CASQ2: variants seen among roughly 807,000 people sequenced by gnomAD.
The protein encoded by CASQ2 is calsequestrin-2.
A neutral mutation model predicts 46.5 loss-of-function variants in CASQ2; 49 were observed. That is an observed-to-expected ratio of 1.05 (90% confidence interval 0.84 to 1.34). The LOEUF (loss-of-function observed/expected upper bound fraction) is 1.34. CASQ2 is among the 40% of genes most tolerant of loss of function. CASQ2 has a pLI of 0.00. For missense variants in CASQ2, 486 were observed against 481.3 expected, an observed-to-expected ratio of 1.01 and a Z score of -0.09; for synonymous variants, 174 against 168.5, an observed-to-expected ratio of 1.03 and a Z score of -0.25.
intron 8 of CASQ2, among the ~76,000 whole-genome samples, chr1:115,710,397 G>A (rs1026966343): frequency 1.9e-4 from 29 of 152,180 alleles, no homozygotes; most frequent in African/African-American, 6.8e-4. Context: ...GTTGAACTCA[G>A]GTCTTAAGTC....
intron 3 of CASQ2, 51 bp downstream of exon 3, chr1:115,740,677 A>G (rs1648144506): frequency 6.2e-6 from 7 of 1,137,550 alleles, no homozygotes; most frequent in East Asian, 2.4e-5. Context: ...ATCTCTCCCT[A>G]TATTTGAGGA....
At chr1:115,734,681 T>C (rs189772618) in intron 4 of CASQ2, among the ~76,000 whole-genome samples, 19 of 152,320 alleles carry the variant, frequency 1.2e-4, no homozygotes, top group African/African-American at 4.6e-4. Flanking sequence ...GCTTCTGGAA[T>C]AGGCTCCTGA....
intron 1 of CASQ2, among the ~76,000 whole-genome samples, chr1:115,757,816 A>T (rs777383195): frequency 5.3e-5 from 8 of 152,336 alleles, no homozygotes; most frequent in Non-Finnish European, 8.8e-5. Context: ...TGTACTCAAT[A>T]CTTTAAAAAA....
chr1:115,701,304 A>C lies in CASQ2; in HGVS notation c.1137T>G (p.Asp379Glu), dbSNP rs776130201. ...KINTEDDDED[D>E]DDDDNSDEED... ...CTTCATCAGAATTATCATCATCATC[A>C]TCATCTTCATCATCATCTTCAGTGT... Residue 379 changes from aspartate to glutamate, a missense_variant, in exon 11 of 11, where the codon GAT (aspartate) becomes GAG (glutamate). Asp to Glu is a conservative substitution (Grantham distance 45). Coordinates refer to ENST00000261448, the MANE Select transcript of CASQ2 (RefSeq NM_001232.4). 1.3e-6 allele frequency: 2 copies of C among 1,595,644 alleles called. No individual in the cohort carries two copies. The highest frequency in any genetic ancestry group is 4.5e-5 in the East Asian group (2 of 44,786).
intron 1 of CASQ2, among the ~76,000 whole-genome samples, chr1:115,745,121 A>G (rs931297089): frequency 1.3e-5 from 2 of 152,200 alleles, no homozygotes; most frequent in Non-Finnish European, 2.9e-5. Context: ...AGGAGGGAAA[A>G]TCTGAGGAGC....
At chr1:115,701,648 T>C (rs1227585693) in intron 10 of CASQ2, among the ~76,000 whole-genome samples, 1 of 152,182 alleles carries the variant, frequency 6.6e-6, no homozygotes, top group Non-Finnish European at 1.5e-5. Context: ...CAGTGGAATA[T>C]ATATGACATT....
chr1:115,768,182 C>T (rs942917213), intron 1 of CASQ2, 126 bp downstream of exon 1: 30 of 735,736 alleles, frequency 4.1e-5, no homozygotes, highest in Non-Finnish European at 7.5e-5. Flanking sequence ...TCACGTGAGG[C>T]CAAAATAAAG....
At chr1:115,739,223 T>C (rs1295517930) in intron 3 of CASQ2, among the ~76,000 whole-genome samples, 1 of 147,282 alleles carries the variant, frequency 6.8e-6, no homozygotes, top group Non-Finnish European at 1.5e-5. Flanking sequence ...GCCATTCTCC[T>C]GCCTTAGCCT....
rs1393223684 is a variant in CASQ2 at position 115,768,187 on chromosome 1, A to G, written c.234+121T>C. On this transcript the variant is annotated intron_variant, in intron 1 of 10. Coordinates refer to ENST00000261448, the MANE Select transcript of CASQ2 (RefSeq NM_001232.4). Reference sequence around the variant, plus strand: ...GGCATCTGATTCACGTGAGGCCAAAATAAAGCAGAGTTCAGTATATATTCT... The same window carrying G: ...GGCATCTGATTCACGTGAGGCCAAAGTAAAGCAGAGTTCAGTATATATTCT... 10 of 755,140 alleles carry G rather than the reference A, an allele frequency of 1.3e-5. No homozygotes were observed. The South Asian group carries it at 1.4e-4, about 11-fold the overall frequency. 46.8% of individuals were successfully genotyped at this position (755,140 alleles called of 1,614,324 possible).
intron 1 of CASQ2, among the ~76,000 whole-genome samples, chr1:115,765,535 A>G (rs1181905039): frequency 6.6e-6 from 1 of 152,216 alleles, no homozygotes; most frequent in East Asian, 1.9e-4. Flanking sequence ...AGGGAAATCA[A>G]CTTAATAGGT....
intron 6 of CASQ2, 24 bp from the exon 7 acceptor site, chr1:115,725,577 A>AAG: frequency 4.4e-6 from 7 of 1,594,414 alleles, no homozygotes; most frequent in Non-Finnish European, 6.0e-6. Flanking sequence ...AAAAAAAAAA[A>AAG]AAAGAAAGAG....
chr1:115,729,964 T>C (rs564794580), intron 5 of CASQ2, among the ~76,000 whole-genome samples: 22 of 152,244 alleles, frequency 1.4e-4, no homozygotes, highest in Non-Finnish European at 2.9e-4. Context: ...TAAGAACTGA[T>C]ATTTTTCAGG....
At chr1:115,743,530 C>T (rs1648268529) in intron 2 of CASQ2, among the ~76,000 whole-genome samples, 1 of 152,168 alleles carries the variant, frequency 6.6e-6, no homozygotes, top group Non-Finnish European at 1.5e-5. Context: ...CTTAATAACT[C>T]ATTATCATTG....
intron 1 of CASQ2, among the ~76,000 whole-genome samples, chr1:115,761,479 AAGAAGAAGG>A (rs1231983245): frequency 9.4e-5 from 2 of 21,376 alleles, no homozygotes; most frequent in Non-Finnish European, 2.0e-4. Context: ...GAAGAAGAAG[AAGAAGAAGG>A]AGAAGAAGGA....
At chr1:115,764,637 A>T (rs1649074143) in intron 1 of CASQ2, among the ~76,000 whole-genome samples, 1 of 152,212 alleles carries the variant, frequency 6.6e-6, no homozygotes, top group South Asian at 2.1e-4. Context: ...TTTGAGCTCT[A>T]ACATTTCATT....
At chr1:115,707,477 C>T (rs924515846) in intron 8 of CASQ2, among the ~76,000 whole-genome samples, 1 of 152,150 alleles carries the variant, frequency 6.6e-6, no homozygotes, top group Non-Finnish European at 1.5e-5. Flanking sequence ...CTTCATTTAT[C>T]TGTCATTGCA....
chr1:115,730,596 G>A (rs1247466868), intron 5 of CASQ2, among the ~76,000 whole-genome samples: 1 of 152,132 alleles, frequency 6.6e-6, no homozygotes, highest in African/African-American at 2.4e-5. Flanking sequence ...CCCATCTCTT[G>A]TTCCTCAATA....
intron 1 of CASQ2, among the ~76,000 whole-genome samples, chr1:115,757,258 C>T (rs909869445): frequency 2.6e-5 from 4 of 152,130 alleles, no homozygotes; most frequent in East Asian, 3.9e-4. Context: ...CCTGTATTAC[C>T]GATATGTGCC....
intron 1 of CASQ2, among the ~76,000 whole-genome samples, chr1:115,759,977 T>C (rs1355329453): frequency 6.6e-6 from 1 of 152,184 alleles, no homozygotes; most frequent in Admixed American, 6.5e-5. Flanking sequence ...AGATCTCAAA[T>C]AGGGTAATAC....
Sources: gnomAD v4.1 joint callset for allele counts (sites outside exome capture counted in the v4.1 genomes callset) on GRCh38, gnomAD v4.1.1 for gene constraint, MANE v1.5 for transcripts, NCBI Gene and HGNC (gene_info 2026-07-23, HGNC 2026-07-21) for gene names.